The following SLC44A1 variants were observed in gnomAD, a reference collection of about 807,000 sequenced individuals.
The protein encoded by SLC44A1 is choline transporter-like protein 1.
Under a neutral mutation model 79.3 loss-of-function variants are expected in SLC44A1, and 26 were observed. The observed-to-expected ratio is 0.33, with a 90% CI of 0.24 to 0.46. The LOEUF (loss-of-function observed/expected upper bound fraction) is 0.46, where lower values mean the gene tolerates loss of function less well. Among genes scored for constraint, SLC44A1 ranks in the 20% least tolerant of loss-of-function variants. SLC44A1 has a pLI of 1.00. For missense variants in SLC44A1, 688 were observed against 798.1 expected, an observed-to-expected ratio of 0.86 and a Z score of 1.66; for synonymous variants, 263 against 286.2, an observed-to-expected ratio of 0.92 and a Z score of 0.82.
chr9:105,251,358 T>G (rs977083538), intron 1 of SLC44A1, among the ~76,000 whole-genome samples: 4 of 152,188 alleles, frequency 2.6e-5, no homozygotes, highest in African/African-American at 9.6e-5. Flanking sequence ...TCAACGTCAC[T>G]GCCAGCACTC....
intron 15 of SLC44A1, among the ~76,000 whole-genome samples, chr9:105,434,323 A>G (rs2131528258): frequency 6.6e-6 from 1 of 152,238 alleles, no homozygotes; most frequent in East Asian, 1.9e-4. Context: ...CCTGGGTGAC[A>G]GAGCGAGACT....
Position 105,393,311 on chromosome 9 carries a change from A to T in SLC44A1, c.*4255A>T. On this transcript the variant is annotated 3_prime_UTR_variant, in exon 16 of 16. Coordinates refer to ENST00000374720, the MANE Select transcript of SLC44A1 (RefSeq NM_080546.5). ...TTCTTGGAATTAACTCATCTTTGTT[A>T]ACTTAGTGGCACATAGTCCAAATTT... The T allele has an allele frequency of 8.1e-6, 8 of 985,456 alleles. No individual in the cohort carries two copies. The highest frequency in any genetic ancestry group is 9.6e-6 in the Non-Finnish European group (8 of 829,930). 61.0% of individuals were successfully genotyped at this position (985,456 alleles called of 1,614,324 possible). A position where few individuals can be genotyped will look rare whatever the true frequency, so the allele number is the denominator to read the frequency against.
At chr9:105,300,459 G>A (rs1830848941) in intron 2 of SLC44A1, among the ~76,000 whole-genome samples, 1 of 152,118 alleles carries the variant, frequency 6.6e-6, no homozygotes, top group African/African-American at 2.4e-5. Context: ...CTGCCCACCA[G>A]GCCAGCGCCA....
At chr9:105,430,092 G>C (rs1385502167) in intron 15 of SLC44A1, among the ~76,000 whole-genome samples, 1 of 151,996 alleles carries the variant, frequency 6.6e-6, no homozygotes, top group African/African-American at 2.4e-5. Flanking sequence ...ATTTTTTGTA[G>C]AGACATGGTC....
chr9:105,275,398 T>C (rs990506263), intron 1 of SLC44A1, among the ~76,000 whole-genome samples: 1 of 152,202 alleles, frequency 6.6e-6, no homozygotes, highest in African/African-American at 2.4e-5. Context: ...GTCATGAATA[T>C]TGAGTTTTTG....
chr9:105,251,280 G>A lies in SLC44A1; in HGVS notation c.36+6376G>A, dbSNP rs890499019. On this transcript the variant is annotated intron_variant, in intron 1 of 15. Transcript: ENST00000374720. Reference sequence around the variant, plus strand: ...CCCTGGTTGTGGAAACTGGAGACTCGAGTCCTGTAGGGAACCTGCCTCTCA... The same window carrying A: ...CCCTGGTTGTGGAAACTGGAGACTCAAGTCCTGTAGGGAACCTGCCTCTCA... Among the ~76,000 whole-genome samples the A allele has an allele frequency of 3.9e-4, 59 of 152,032 alleles. 1 individual carries two copies. Among genetic ancestry groups the A allele is most frequent in the Non-Finnish European group, 6.3e-4 (43 of 68,010 alleles).
Position 105,392,355 on chromosome 9 carries a change from T to C in SLC44A1, c.*3299T>C. 3 of 983,312 alleles carry C rather than the reference T, an allele frequency of 3.1e-6. No homozygotes were observed. The highest frequency in any genetic ancestry group is 3.6e-6 in the Non-Finnish European group (3 of 828,732). 60.9% of individuals were successfully genotyped at this position (983,312 alleles called of 1,614,324 possible). ...GCACTTACTGAGTTTATTTTAAAGT[T>C]ATGCTAGAAATGTTTTTCTTTTGTA... On this transcript the variant is annotated 3_prime_UTR_variant, in exon 16 of 16. Coordinates refer to ENST00000374720, the MANE Select transcript of SLC44A1 (RefSeq NM_080546.5).
chr9:105,325,621 T>C (rs2131340801), intron 3 of SLC44A1, among the ~76,000 whole-genome samples: 1 of 152,310 alleles, frequency 6.6e-6, no homozygotes, highest in Admixed American at 6.5e-5. Flanking sequence ...TCCCCTCCCA[T>C]GATAATTCAT....
In SLC44A1 at chr9:105,389,529, A is replaced by G. The variant is rs1368780598; in HGVS notation, c.*473A>G. 4 of 1,064,756 alleles carry G rather than the reference A, an allele frequency of 3.8e-6. No homozygotes were observed. The highest frequency in any genetic ancestry group is 3.3e-5 in the African/African-American group (2 of 60,390). 66.0% of individuals were successfully genotyped at this position (1,064,756 alleles called of 1,614,324 possible). ...AAGTCCTAGTGGGTCAAGACTAGGCATATGCTTTCAGATAAATAAGGAATT... is the reference window on the plus strand; with the variant it reads ...AAGTCCTAGTGGGTCAAGACTAGGCGTATGCTTTCAGATAAATAAGGAATT... On this transcript the variant is annotated 3_prime_UTR_variant, in exon 16 of 16. Transcript: ENST00000374720.
rs140928661 is a variant in SLC44A1, at chr9:105,412,174, T to C, written c.1951-26107T>C. ...AAATATTTATTCATCAAATAATATA[T>C]ATGTTAAATAACGTTTTAATTAGTC... On this transcript the variant is annotated intron_variant, in intron 15 of 15. Coordinates refer to the SLC44A1 transcript ENST00000374724. Among the ~76,000 whole-genome samples the C allele has an allele frequency of 4.6e-5, 7 of 152,360 alleles. No homozygotes were observed. The East Asian group carries it at 1.3e-3, about 29-fold the overall frequency.
In SLC44A1 at chr9:105,409,064, C is replaced by T. The variant is rs138688620; in HGVS notation, c.1950+23562C>T. Among the ~76,000 whole-genome samples the T allele has an allele frequency of 4.1e-3, 624 of 152,138 alleles. 6 individuals carry two copies. The highest frequency in any genetic ancestry group is 0.014 in the African/African-American group (592 of 41,514). On this transcript the variant is annotated intron_variant, in intron 15 of 15. Coordinates refer to the SLC44A1 transcript ENST00000374724. ...GATATGATATAAAGGAAATAAACAA[C>T]AAAATGGCAGAAGCAAGGCCTTACT...
chr9:105,305,133 G>A (rs367633784), intron 2 of SLC44A1, among the ~76,000 whole-genome samples: 30 of 151,022 alleles, frequency 2.0e-4, no homozygotes, highest in African/African-American at 7.0e-4. Context: ...ACCATGTCTG[G>A]CTAATATTTT....
downstream of SLC44A1, among the ~76,000 whole-genome samples, chr9:105,401,533 T>A (rs74685733): frequency 6.6e-6 from 1 of 152,152 alleles, no homozygotes; most frequent in South Asian, 2.1e-4. Flanking sequence ...GGATTTAGGA[T>A]TTTTTTATTA....
At chr9:105,354,882 A>T (rs185741913) in intron 5 of SLC44A1, among the ~76,000 whole-genome samples, 2 of 152,236 alleles carry the variant, frequency 1.3e-5, no homozygotes, top group African/African-American at 4.8e-5. Context: ...TTCAGGTCAT[A>T]CAAAGTTGCT....
intron 4 of SLC44A1, among the ~76,000 whole-genome samples, chr9:105,340,102 C>T (rs1014897725): frequency 4.6e-5 from 7 of 152,124 alleles, no homozygotes; most frequent in Non-Finnish European, 1.0e-4. Context: ...TGAAAAAGTT[C>T]TAAAAATCTG....
chr9:105,339,042 C>T (rs955198722), intron 4 of SLC44A1, among the ~76,000 whole-genome samples: 2 of 152,158 alleles, frequency 1.3e-5, no homozygotes, highest in Non-Finnish European at 2.9e-5. Flanking sequence ...GCAATAATTT[C>T]TTGGATGGTA....
chr9:105,435,433 T>C (rs1345408279), intron 15 of SLC44A1, among the ~76,000 whole-genome samples: 1 of 152,082 alleles, frequency 6.6e-6, no homozygotes, highest in African/African-American at 2.4e-5. Context: ...TAATGGAAAG[T>C]TACAGTTAGG....
chr9:105,314,611 T>A (rs1484424852), intron 3 of SLC44A1, among the ~76,000 whole-genome samples: 2 of 152,194 alleles, frequency 1.3e-5, no homozygotes, highest in Non-Finnish European at 2.9e-5. Flanking sequence ...GCATTTAAAG[T>A]CCCAGTCACT....
At chr9:105,293,677 A>G (rs1830654636) in intron 1 of SLC44A1, among the ~76,000 whole-genome samples, 1 of 152,180 alleles carries the variant, frequency 6.6e-6, no homozygotes, top group Admixed American at 6.5e-5. Flanking sequence ...ATTTGACCTA[A>G]TTGTTTATAA....
Sources: allele counts gnomAD v4.1 joint callset (sites outside exome capture counted in the v4.1 genomes callset), GRCh38; gene constraint gnomAD v4.1.1; transcripts MANE v1.5; gene names NCBI Gene and HGNC (gene_info 2026-07-23, HGNC 2026-07-21).